The following CHSY1 variants were observed in gnomAD, a reference collection of about 807,000 sequenced individuals.
CHSY1 encodes N-acetylgalactosaminyl-proteoglycan 3-beta-glucuronosyltransferase 1.
CHSY1 carries 13 observed loss-of-function variants against 59.8 expected under a neutral mutation model. The observed-to-expected ratio is 0.22, with a 90% confidence interval of 0.14 to 0.35. The LOEUF is 0.35. CHSY1 is among the 10% of genes least tolerant of loss of function. CHSY1 has a pLI of 1.00. For missense variants in CHSY1, 947 were observed against 1,030.6 expected (o/e 0.92, Z 1.11); for synonymous variants, 459 against 401.2 (o/e 1.14, Z -1.72).
chr15:101,185,986 G>A (rs76967748), intron 2 of CHSY1, among the ~76,000 whole-genome samples: 3,174 of 151,800 alleles, frequency 0.021, 47 homozygotes, highest in East Asian at 0.1. Flanking sequence ...CACGCAGGTA[G>A]CATTTAATTA....
At chr15:101,229,482 T>C (rs1029038219) in intron 2 of CHSY1, among the ~76,000 whole-genome samples, 2 of 152,174 alleles carry the variant, frequency 1.3e-5, no homozygotes, top group East Asian at 3.8e-4. Flanking sequence ...AATTTTATAA[T>C]GATAAAAGTG....
At chr15:101,249,084 T>C (rs1162568697) in intron 1 of CHSY1, among the ~76,000 whole-genome samples, 1 of 151,544 alleles carries the variant, frequency 6.6e-6, no homozygotes, top group South Asian at 2.1e-4. Context: ...ATGACAGGCG[T>C]GAGCCACCGC....
intron 2 of CHSY1, among the ~76,000 whole-genome samples, chr15:101,179,838 A>T (rs2038252415): frequency 6.6e-6 from 1 of 152,278 alleles, no homozygotes; most frequent in Non-Finnish European, 1.5e-5. Flanking sequence ...CCATCAGCCA[A>T]AATGGGTTCC....
At chr15:101,246,584 A>C (rs915694303) in intron 1 of CHSY1, among the ~76,000 whole-genome samples, 8 of 152,234 alleles carry the variant, frequency 5.3e-5, no homozygotes, top group African/African-American at 1.9e-4. Context: ...GAAGTCCAGA[A>C]ACATACCCAA....
chr15:101,177,353 A>G lies in CHSY1; in HGVS notation c.*35T>C, dbSNP rs1439186302. The G allele has an allele frequency of 8.2e-6, 13 of 1,587,340 alleles. No individual in the cohort carries two copies. Among genetic ancestry groups the G allele is most frequent in the African/African-American group, 1.4e-5 (1 of 73,284 alleles). ...AAAAAATTTTTGAAAAATAAATTAG[A>G]TAATTAAAAACGTCTTTTCCAGCAA... On this transcript the variant is annotated 3_prime_UTR_variant, in exon 3 of 3. Transcript: ENST00000254190.
At chr15:101,189,850 G>C (rs1483424495) in intron 2 of CHSY1, among the ~76,000 whole-genome samples, 1 of 152,288 alleles carries the variant, frequency 6.6e-6, no homozygotes, top group East Asian at 1.9e-4. Flanking sequence ...TGGAGGCCTG[G>C]TGAGTGGGGA....
rs745564451 is a variant in CHSY1, at chr15:101,178,550, A to T, written c.1247T>A (p.Ile416Asn). The T allele has an allele frequency of 6.2e-7, 1 of 1,614,198 alleles. No homozygotes were observed. The highest frequency in any genetic ancestry group is 2.2e-5 in the East Asian group (1 of 44,880). Residue 416 changes from isoleucine (I) to asparagine (N), a missense_variant, in exon 3 of 3, where the codon ATC becomes AAC. Coordinates refer to ENST00000254190, the MANE Select transcript of CHSY1 (RefSeq NM_014918.5). Reference sequence around the variant, plus strand: ...CCCTCTGGTCTTGGCGTTGGCATTGATCATCTCCATGACCTGCATGACAAT... The same window carrying T: ...CCCTCTGGTCTTGGCGTTGGCATTGTTCATCTCCATGACCTGCATGACAAT... Reference protein sequence around the residue: ...DDIVMQVMEMINANAKTRGRI... With the variant: ...DDIVMQVMEMNNANAKTRGRI...
At chr15:101,249,606 T>C (rs2039087103) in intron 1 of CHSY1, among the ~76,000 whole-genome samples, 1 of 147,432 alleles carries the variant, frequency 6.8e-6, no homozygotes, top group South Asian at 2.1e-4. Context: ...CTCCGCCTCC[T>C]GGGTTCAAGC....
chr15:101,221,159 A>G (rs2038784375), intron 2 of CHSY1, among the ~76,000 whole-genome samples: 1 of 152,228 alleles, frequency 6.6e-6, no homozygotes, highest in Non-Finnish European at 1.5e-5. Flanking sequence ...TGCCTATAGC[A>G]GGGCCTGTCA....
At position 101,251,491 on chromosome 15, in the gene CHSY1, A is replaced by G; in HGVS notation, c.-35T>C. ...GCTCCGCCCGCCGGGCCGCCGCCGC[A>G]GGCTCCGCGCGCCCTCAGCCCGCTG... On this transcript the variant is annotated 5_prime_UTR_variant, in exon 1 of 3. Transcript: ENST00000254190. 1 of 51,286 alleles carries G rather than the reference A, an allele frequency of 1.9e-5. No individual in the cohort carries two copies. The highest frequency in any genetic ancestry group is 2.3e-5 in the Non-Finnish European group (1 of 42,978). The allele number at this position is 51,286 out of a possible 1,614,324, so 3.2% of individuals were successfully genotyped here. A position where few individuals can be genotyped will look rare whatever the true frequency, so the allele number is the denominator to read the frequency against.
At chr15:101,207,376 AT>A (rs1397268566) in intron 2 of CHSY1, among the ~76,000 whole-genome samples, 1 of 152,240 alleles carries the variant, frequency 6.6e-6, no homozygotes, top group African/African-American at 2.4e-5. Context: ...TATTTTAAAA[AT>A]TGTTCATTCT....
chr15:101,233,434 A>T (rs2038910614), intron 2 of CHSY1, among the ~76,000 whole-genome samples: 2 of 152,212 alleles, frequency 1.3e-5, no homozygotes, highest in South Asian at 4.1e-4. Flanking sequence ...AAGTGTTCCA[A>T]AATATACAAT....
At chr15:101,190,514 A>C (rs1450430530) in intron 2 of CHSY1, among the ~76,000 whole-genome samples, 64 of 152,222 alleles carry the variant, frequency 4.2e-4, no homozygotes, top group Non-Finnish European at 1.0e-4. Context: ...CAAAACTCCT[A>C]AAGAAAACAG....
intron 2 of CHSY1, among the ~76,000 whole-genome samples, chr15:101,198,403 G>A (rs775763679): frequency 4.6e-5 from 7 of 152,198 alleles, no homozygotes; most frequent in East Asian, 1.9e-4. Flanking sequence ...CCTCTCGGGT[G>A]TCTGTGACGG....
At chr15:101,207,499 G>A (rs996954269) in intron 2 of CHSY1, among the ~76,000 whole-genome samples, 3 of 151,912 alleles carry the variant, frequency 2.0e-5, no homozygotes, top group Non-Finnish European at 4.4e-5. Flanking sequence ...AAATTTCCAG[G>A]TGCCTCTCTC....
rs571067894 is a variant in CHSY1, at chr15:101,250,760, G to A, written c.320+377C>T. Among the ~76,000 whole-genome samples, 8 of 152,336 alleles carry A rather than the reference G, an allele frequency of 5.3e-5. No homozygotes were observed. The South Asian group carries it at 1.4e-3, about 28-fold the overall frequency. ...GCACATTTTAGGGAATCCAGTATCA[G>A]CCCCAACTGCCTCCACTATCAGGTA... On this transcript the variant is annotated intron_variant, in intron 1 of 2. Coordinates refer to ENST00000254190, the MANE Select transcript of CHSY1 (RefSeq NM_014918.5).
chr15:101,218,822 G>A (rs777933737), intron 2 of CHSY1, among the ~76,000 whole-genome samples: 4 of 152,112 alleles, frequency 2.6e-5, no homozygotes, highest in Non-Finnish European at 4.4e-5. Flanking sequence ...ATGAGTATAC[G>A]AAAAGTATCC....
intron 2 of CHSY1, among the ~76,000 whole-genome samples, chr15:101,195,783 C>T (rs898378783): frequency 2.3e-4 from 34 of 149,668 alleles, no homozygotes; most frequent in African/African-American, 7.6e-4. Flanking sequence ...CGAGATAGTG[C>T]CACTGCACTC....
intron 2 of CHSY1, among the ~76,000 whole-genome samples, chr15:101,196,655 T>C (rs956368513): frequency 6.6e-5 from 10 of 152,130 alleles, no homozygotes; most frequent in African/African-American, 2.2e-4. Flanking sequence ...ATGCGAACTA[T>C]AGGACGATTA....
Sources: gnomAD v4.1 joint callset for allele counts (sites outside exome capture counted in the v4.1 genomes callset) on GRCh38, gnomAD v4.1.1 for gene constraint, MANE v1.5 for transcripts, NCBI Gene and HGNC (gene_info 2026-07-23, HGNC 2026-07-21) for gene names.